The following EYA3 variants were observed in gnomAD, a reference collection of about 807,000 sequenced individuals.
EYA3 encodes the protein protein phosphatase EYA3.
In EYA3, 39 loss-of-function variants were observed where a neutral mutation model predicts 80.0. The ratio of observed to expected loss-of-function variants is 0.49; its 90% CI spans 0.38 to 0.64. The LOEUF (loss-of-function observed/expected upper bound fraction) is 0.64. Ranked by LOEUF, EYA3 falls within the 30% of genes least tolerant of loss-of-function variation. The pLI, the probability that EYA3 is intolerant of heterozygous loss-of-function variation, is 0.00. For missense variants in EYA3, 523 were observed against 676.1 expected, an observed-to-expected ratio of 0.77 and a Z score of 2.51; for synonymous variants, 206 against 232.8, an observed-to-expected ratio of 0.88 and a Z score of 1.05.
chr1:28,066,048 C>T (rs1644827062), intron 1 of EYA3, among the ~76,000 whole-genome samples: 2 of 151,824 alleles, frequency 1.3e-5, no homozygotes, highest in Middle Eastern at 3.4e-3. Flanking sequence ...CACACAAGTA[C>T]TGCAGATACC....
At chr1:28,044,582 G>T (rs139446472) in intron 3 of EYA3, among the ~76,000 whole-genome samples, 93 of 152,218 alleles carry the variant, frequency 6.1e-4, no homozygotes, top group African/African-American at 2.2e-3. Flanking sequence ...TATATATCTG[G>T]AAAGATAATG....
chr1:28,019,787 C>T (rs964668430), intron 7 of EYA3, among the ~76,000 whole-genome samples: 2 of 152,012 alleles, frequency 1.3e-5, no homozygotes, highest in South Asian at 2.1e-4. Flanking sequence ...CTGCAACCTC[C>T]GCCTCCCGGG....
chr1:28,076,242 T>A (rs1645195218), intron 1 of EYA3, among the ~76,000 whole-genome samples: 1 of 152,234 alleles, frequency 6.6e-6, no homozygotes, highest in Non-Finnish European at 1.5e-5. Flanking sequence ...TTCTGGCTAC[T>A]TTGTTCTGGA....
intron 3 of EYA3, among the ~76,000 whole-genome samples, chr1:28,043,938 T>A (rs1003628226): frequency 6.6e-6 from 1 of 152,216 alleles, no homozygotes. Context: ...ATTTCTCTTA[T>A]CTCCCAGTTA....
intron 16 of EYA3, 200 bp downstream of exon 16, chr1:27,988,335 C>A (rs528112646): frequency 3.8e-6 from 2 of 519,716 alleles, no homozygotes; most frequent in South Asian, 7.4e-5. Flanking sequence ...GCTTATGTAA[C>A]TTACTAGCTG....
intron 1 of EYA3, among the ~76,000 whole-genome samples, chr1:28,078,289 A>G (rs957636389): frequency 1.3e-5 from 2 of 152,214 alleles, no homozygotes; most frequent in Admixed American, 1.3e-4. Flanking sequence ...GATAACCTTT[A>G]GCTTTAAATC....
chr1:27,993,336 C>T, intron 14 of EYA3, 64 bp downstream of exon 14: 1 of 1,530,532 alleles, frequency 6.5e-7, no homozygotes, highest in Non-Finnish European at 8.9e-7. Flanking sequence ...TAAGGAATCC[C>T]TGGAAAGAAA....
chr1:28,031,862 C>G (rs553795332), intron 6 of EYA3: 11 of 151,944 alleles, frequency 7.2e-5, no homozygotes, highest in Admixed American at 7.2e-4. Flanking sequence ...TTATTCTTTA[C>G]GCACATTTTT....
At chr1:28,020,094 ACAAATCT>A (rs1642329574) in intron 7 of EYA3, among the ~76,000 whole-genome samples, 1 of 152,212 alleles carries the variant, frequency 6.6e-6, no homozygotes, top group African/African-American at 2.4e-5. Flanking sequence ...AGGTGGTTTT[ACAAATCT>A]AACAATTTTC....
rs192158095 is a variant in EYA3 at position 27,992,652 on chromosome 1, A to G, written c.1303+748T>C. Among the ~76,000 whole-genome samples the G allele has an allele frequency of 1.4e-3, 219 of 152,312 alleles. 1 individual carries two copies. Among genetic ancestry groups the G allele is most frequent in the African/African-American group, 4.9e-3 (202 of 41,562 alleles). Reference sequence around the variant, plus strand: ...GTTTACAGTTTTAAATATTTTCTCAAAAGAGTACCTCACTATAAAAGGAGC... The same window carrying G: ...GTTTACAGTTTTAAATATTTTCTCAGAAGAGTACCTCACTATAAAAGGAGC... On this transcript the variant is annotated intron_variant, in intron 14 of 17. Coordinates refer to ENST00000373871, the MANE Select transcript of EYA3 (RefSeq NM_001990.4).
At chr1:28,061,205 T>C (rs1242539919) in intron 1 of EYA3, among the ~76,000 whole-genome samples, 2 of 152,180 alleles carry the variant, frequency 1.3e-5, no homozygotes, top group African/African-American at 4.8e-5. Context: ...TTCTGGTACA[T>C]TCTGTATAAA....
chr1:28,050,671 C>A (rs1014675232), intron 2 of EYA3, among the ~76,000 whole-genome samples: 1 of 152,000 alleles, frequency 6.6e-6, no homozygotes, highest in Non-Finnish European at 1.5e-5. Context: ...AAGGGTGTTA[C>A]AATGTTTTTT....
At chr1:27,977,689 A>T (rs1017451330) in intron 17 of EYA3, among the ~76,000 whole-genome samples, 2 of 152,008 alleles carry the variant, frequency 1.3e-5, no homozygotes, top group African/African-American at 4.8e-5. Flanking sequence ...CTCTACTAAA[A>T]ATACAAAAAT....
rs373706191 is a variant in EYA3 at position 28,082,785 on chromosome 1, G to A, written c.-69+5739C>T. ...AAGGTAAAAGAAAAAAATTAACTTC[G>A]AGGGGCCATTTTATAAAAAATAGTG... On this transcript the variant is annotated intron_variant, in intron 1 of 17. Transcript: ENST00000373871. Among the ~76,000 whole-genome samples, 60 of 152,162 alleles carry A rather than the reference G, an allele frequency of 3.9e-4. 2 individuals carry two copies. In the South Asian group the frequency reaches 1.0e-2, roughly 25 times the overall value.
At chr1:27,978,648 C>G (rs1276219082) in intron 16 of EYA3, among the ~76,000 whole-genome samples, 174 bp from the exon 17 acceptor site, 1 of 152,096 alleles carries the variant, frequency 6.6e-6, no homozygotes, top group East Asian at 1.9e-4. Flanking sequence ...ACCCTCTGCC[C>G]AAAGAATGTG....
chr1:27,976,131 T>A (rs554434803), intron 17 of EYA3, among the ~76,000 whole-genome samples: 1 of 152,140 alleles, frequency 6.6e-6, no homozygotes, highest in East Asian at 1.9e-4. Context: ...GCTATTAACA[T>A]ACAGAAGAGG....
At chr1:27,993,728 C>T (rs1413682799) in intron 13 of EYA3, among the ~76,000 whole-genome samples, 168 bp from the exon 14 acceptor site, 1 of 152,188 alleles carries the variant, frequency 6.6e-6, no homozygotes, top group Non-Finnish European at 1.5e-5. Context: ...TTCTCTATCT[C>T]ACACTTATTA....
intron 1 of EYA3, among the ~76,000 whole-genome samples, chr1:28,087,546 T>G (rs556874800): frequency 6.6e-6 from 1 of 152,352 alleles, no homozygotes; most frequent in East Asian, 1.9e-4. Flanking sequence ...CAGACCACTT[T>G]TCGGAAACAA....
rs1165219375 is a variant in EYA3 at position 28,009,382 on chromosome 1, T to C, written c.909+1565A>G. On this transcript the variant is annotated intron_variant, in intron 10 of 17. Transcript: ENST00000373871. The surrounding 1 kb of genome is among the most constrained non-coding windows in gnomAD (Gnocchi z 4.8). The stretch of plus-strand genomic sequence containing the variant: ...AAACATTATGGTAGGCAGGGCATGG[T>C]GGCTCACGTCTGTAATCCCAGCACT... Among the ~76,000 whole-genome samples, 1 of 152,138 alleles carries C rather than the reference T, an allele frequency of 6.6e-6. No individual in the cohort carries two copies. Among genetic ancestry groups the C allele is most frequent in the Non-Finnish European group, 1.5e-5 (1 of 68,028 alleles).
Sources: gnomAD v4.1 joint callset for allele counts (sites outside exome capture counted in the v4.1 genomes callset) on GRCh38, gnomAD v4.1.1 for gene constraint, Gnocchi (gnomAD v3.1) non-coding constraint, MANE v1.5 for transcripts, NCBI Gene and HGNC (gene_info 2026-07-23, HGNC 2026-07-21) for gene names.